The following TBC1D22A variants were observed in gnomAD, a reference collection of about 807,000 sequenced individuals.
The protein encoded by TBC1D22A is TBC1 domain family member 22A.
TBC1D22A carries 38 observed loss-of-function variants against 60.2 expected under a neutral mutation model. That is an observed-to-expected ratio of 0.63 (90% CI 0.49 to 0.83). The LOEUF (loss-of-function observed/expected upper bound fraction) is 0.83. TBC1D22A is among the 40% of genes least tolerant of loss of function. The pLI, the probability that TBC1D22A is intolerant of heterozygous loss-of-function variation, is 0.00. For synonymous variants in TBC1D22A, 302 were observed against 281.7 expected (o/e 1.07, Z -0.72); for missense variants, 628 against 701.0 (o/e 0.90, Z 1.18).
chr22:46,947,223 C>T (rs1451601392), intron 8 of TBC1D22A, among the ~76,000 whole-genome samples: 1 of 152,188 alleles, frequency 6.6e-6, no homozygotes, highest in East Asian at 1.9e-4. Context: ...CCCTAAATCA[C>T]CCACTTTCTG....
At chr22:46,810,147 ACCACTT>A (rs1215332222) in intron 4 of TBC1D22A, among the ~76,000 whole-genome samples, 1 of 152,222 alleles carries the variant, frequency 6.6e-6, no homozygotes, top group Non-Finnish European at 1.5e-5. Flanking sequence ...TCTGGGGCTC[ACCACTT>A]GCAGTTTAGG....
rs1166839892 is a variant in TBC1D22A, at chr22:47,028,239, A to G, written c.1202-8832A>G. ...AGATTGCGTGCTGTGGCGTCAGATA[A>G]ACACCATTTCTTTACAACCTGCCAG... On this transcript the variant is annotated intron_variant, in intron 10 of 12. Transcript: ENST00000337137. This position sits in a 1 kb window ranked among gnomAD's most constrained non-coding sequence, Gnocchi z 4.4. Among the ~76,000 whole-genome samples the G allele has an allele frequency of 6.6e-6, 1 of 152,232 alleles. No homozygotes were observed. Among genetic ancestry groups the G allele is most frequent in the Non-Finnish European group, 1.5e-5 (1 of 68,050 alleles).
At chr22:47,131,478 C>A (rs1446522805) in intron 12 of TBC1D22A, among the ~76,000 whole-genome samples, 3 of 152,316 alleles carry the variant, frequency 2.0e-5, no homozygotes, top group Admixed American at 1.3e-4. Flanking sequence ...ATGAGCTCTG[C>A]GGCTGCTCCA....
intron 10 of TBC1D22A, among the ~76,000 whole-genome samples, chr22:47,029,382 G>A (rs2062380738): frequency 6.6e-6 from 1 of 152,180 alleles, no homozygotes; most frequent in Non-Finnish European, 1.5e-5. Flanking sequence ...CCATGTGTTC[G>A]CCAACAAGAA....
intron 9 of TBC1D22A, among the ~76,000 whole-genome samples, chr22:46,989,298 C>G (rs936629204): frequency 6.6e-6 from 1 of 152,052 alleles, no homozygotes; most frequent in Non-Finnish European, 1.5e-5. Flanking sequence ...TGGAGTAACA[C>G]TTTTAATTTC....
At chr22:47,138,109 T>A (rs2066940963) in intron 12 of TBC1D22A, among the ~76,000 whole-genome samples, 1 of 152,196 alleles carries the variant, frequency 6.6e-6, no homozygotes, top group South Asian at 2.1e-4. Flanking sequence ...CTCATGGAGA[T>A]ACCTTGTGAG....
intron 10 of TBC1D22A, among the ~76,000 whole-genome samples, chr22:47,005,505 C>T (rs1296016931): frequency 1.3e-5 from 2 of 151,578 alleles, no homozygotes; most frequent in Non-Finnish European, 2.9e-5. Flanking sequence ...GACATACCTA[C>T]CTGCCTGCCT....
intron 9 of TBC1D22A, among the ~76,000 whole-genome samples, chr22:46,991,745 G>T (rs1025534477): frequency 2.0e-5 from 3 of 152,166 alleles, no homozygotes; most frequent in African/African-American, 7.2e-5. Flanking sequence ...CATTGCCTGG[G>T]TCTCACCGCT....
rs373781281 is a variant in TBC1D22A, at chr22:47,005,637, TAC to T, written c.1201+7943_1201+7944del. Among the ~76,000 whole-genome samples the T allele has an allele frequency of 2.7e-3, 404 of 147,040 alleles. 1 individual carries two copies. The highest frequency in any genetic ancestry group is 0.011 in the Middle Eastern group (3 of 266). Reference sequence around the variant, plus strand: ...CACATACCCCCTACAAACATGCCTGTACACACACACACACACCCACACACACA... The same window carrying T: ...CACATACCCCCTACAAACATGCCTGTACACACACACACACCCACACACACA... On this transcript the variant is annotated intron_variant, in intron 10 of 12. Transcript: ENST00000337137.
chr22:47,011,433 T>C (rs530544259), intron 10 of TBC1D22A, among the ~76,000 whole-genome samples: 1 of 152,342 alleles, frequency 6.6e-6, no homozygotes, highest in East Asian at 1.9e-4. Flanking sequence ...TGTGCCCTTT[T>C]GAAGTGAGGA....
At chr22:47,122,243 A>G (rs932583744) in intron 12 of TBC1D22A, among the ~76,000 whole-genome samples, 4 of 152,186 alleles carry the variant, frequency 2.6e-5, no homozygotes, top group Non-Finnish European at 5.9e-5. Flanking sequence ...TAGGCTGCAC[A>G]AAGTGCCATT....
At chr22:46,782,026 T>C (rs1191489176) in intron 1 of TBC1D22A, among the ~76,000 whole-genome samples, 1 of 152,230 alleles carries the variant, frequency 6.6e-6, no homozygotes, top group Non-Finnish European at 1.5e-5. Context: ...AAACTTGTCA[T>C]TCATGGTGGG....
intron 10 of TBC1D22A, among the ~76,000 whole-genome samples, chr22:47,003,884 A>T (rs978690681): frequency 9.1e-5 from 13 of 142,570 alleles, no homozygotes; most frequent in African/African-American, 3.2e-4. Context: ...ATACATATAC[A>T]CACACCCTAC....
rs184408573 is a variant in TBC1D22A at position 47,175,488 on chromosome 22, C to A, written c.*1862C>A. 971 of 152,362 alleles carry A rather than the reference C, an allele frequency of 6.4e-3. 4 individuals are homozygous for A. The highest frequency in any genetic ancestry group is 0.01 in the Middle Eastern group (3 of 294). The allele number at this position is 152,362 out of a possible 1,614,324, so 9.4% of individuals were successfully genotyped here. On this transcript the variant is annotated 3_prime_UTR_variant, in exon 13 of 13. Coordinates refer to ENST00000337137, the MANE Select transcript of TBC1D22A (RefSeq NM_014346.5). ...GCCAGAAGGCTGCGGACACAACTGACCTGCTTCTCGAGGTGGTTGATGTTT... is the reference window on the plus strand; with the variant it reads ...GCCAGAAGGCTGCGGACACAACTGAACTGCTTCTCGAGGTGGTTGATGTTT...
At chr22:47,154,562 G>A (rs1201070080) in intron 12 of TBC1D22A, among the ~76,000 whole-genome samples, 1 of 152,170 alleles carries the variant, frequency 6.6e-6, no homozygotes, top group Non-Finnish European at 1.5e-5. Context: ...TGCCAGGCTG[G>A]CTCCCTGAAG....
intron 1 of TBC1D22A, among the ~76,000 whole-genome samples, chr22:46,784,792 C>A (rs540075079): frequency 6.6e-6 from 1 of 152,266 alleles, no homozygotes; most frequent in East Asian, 1.9e-4. Flanking sequence ...TTGATAAACG[C>A]TATTTGTAGG....
intron 11 of TBC1D22A, among the ~76,000 whole-genome samples, chr22:47,089,636 G>T (rs1412769994): frequency 6.6e-6 from 1 of 152,190 alleles, no homozygotes; most frequent in African/African-American, 2.4e-5. Flanking sequence ...GAAGCTGGAG[G>T]TGACAAGGGG....
chr22:47,113,119 T>G (rs1254670490), intron 12 of TBC1D22A, among the ~76,000 whole-genome samples: 1 of 152,172 alleles, frequency 6.6e-6, no homozygotes, highest in Non-Finnish European at 1.5e-5. Context: ...GCCACTTACC[T>G]GTAGGGAGAA....
chr22:47,163,781 CCGG>C (rs1436228092), intron 12 of TBC1D22A, among the ~76,000 whole-genome samples: 2 of 152,218 alleles, frequency 1.3e-5, no homozygotes, highest in Non-Finnish European at 2.9e-5. Flanking sequence ...CTCAAGCCAC[CCGG>C]TCCTGACACC....
Sources: gnomAD v4.1 joint callset for allele counts (sites outside exome capture counted in the v4.1 genomes callset) on GRCh38, gnomAD v4.1.1 for gene constraint, Gnocchi (gnomAD v3.1) non-coding constraint, MANE v1.5 for transcripts, NCBI Gene and HGNC (gene_info 2026-07-23, HGNC 2026-07-21) for gene names.